Variants in C1GALT1C1 observed in about 807,000 individuals in gnomAD.
The protein encoded by C1GALT1C1 is C1GALT1-specific chaperone 1.
For missense variants in C1GALT1C1, 176 were observed against 234.7 expected, an observed-to-expected ratio of 0.75 and a Z score of 1.63; for synonymous variants, 77 against 77.9, an observed-to-expected ratio of 0.99 and a Z score of 0.06.
Position 120,629,703 on chromosome X carries a change from G to A in C1GALT1C1, c.-6+214C>T, listed in dbSNP as rs184949790. Among the ~76,000 whole-genome samples, 85 of 111,876 alleles carry A rather than the reference G, an allele frequency of 7.6e-4. No individual in the cohort carries two copies. The East Asian group carries it at 0.016, about 20-fold the overall frequency. On this transcript the variant is annotated intron_variant, in intron 1 of 1. Coordinates refer to ENST00000304661, the MANE Select transcript of C1GALT1C1 (RefSeq NM_001011551.3). ...ACGAAATAGGGAAGAGAAGTGAGAG[G>A]GAGGACATGGTAACCTCGATATCCC...
At position 120,627,020 on chromosome X, in the gene C1GALT1C1, T is replaced by C; in HGVS notation, c.147A>G (p.Lys49=). The change falls in exon 2 of 2, where the codon AAA becomes AAG. Residue 49 remains lysine, a synonymous_variant. Transcript: ENST00000304661. ...CCTCTGAAATTTTCAAGATATCTTC[T>C]TTGTTAGGAGCTTGTAGGTGATGAT... ...HEHHHLQAPN[K]EDILKISEDE... is the part of the protein sequence containing the mutation. 8.3e-7 allele frequency: 1 copy of C among 1,211,214 alleles called. No homozygotes were observed. Among genetic ancestry groups the C allele is most frequent in the Non-Finnish European group, 1.1e-6 (1 of 895,394 alleles).
chrX:120,626,913 G>A lies in C1GALT1C1; in HGVS notation c.254C>T (p.Ala85Val). 26 of 1,211,554 alleles carry A rather than the reference G, an allele frequency of 2.1e-5. No homozygotes were observed. Among genetic ancestry groups the A allele is most frequent in the Non-Finnish European group, 2.9e-5 (26 of 895,452 alleles). ...VKPKDVSLWAAVKETWTKHCD... is the reference protein window; with the variant it reads ...VKPKDVSLWAVVKETWTKHCD... ...GTGTTTGGTCCAAGTCTCCTTTACT[G>A]CAGCCCAAAGACTCACATCTTTGGG... is the stretch of plus-strand genomic sequence containing the variant. Residue 85 changes from alanine (A) to valine (V), a missense_variant, in exon 2 of 2, where the codon GCA becomes GTA. By Grantham distance (64) the Ala-to-Val change is moderately conservative. Transcript: ENST00000304661.
At position 120,626,416 on chromosome X, in the gene C1GALT1C1, C is replaced by A; in HGVS notation, c.751G>T (p.Val251Phe). The A allele has an allele frequency of 8.3e-7, 1 of 1,211,996 alleles. No homozygotes were observed. Reference protein sequence around the residue: ...DGKDVFNTKSVGLSIKEAMTY... With the variant: ...DGKDVFNTKSFGLSIKEAMTY... ...ATTGCCTCTTTAATAGAAAGCCCAA[C>A]AGATTTGGTATTAAATACATCTTTT... The change falls in exon 2 of 2, where the codon GTT becomes TTT. Residue 251 changes from valine to phenylalanine, a missense_variant. By Grantham distance (50) the Val-to-Phe change is conservative. Coordinates refer to ENST00000304661, the MANE Select transcript of C1GALT1C1 (RefSeq NM_001011551.3).
chrX:120,628,520 A>T (rs931363624), intron 1 of C1GALT1C1, among the ~76,000 whole-genome samples: 1 of 112,329 alleles, frequency 8.9e-6, no homozygotes, highest in African/African-American at 3.2e-5. Flanking sequence ...ACAGTTAGAC[A>T]GTGGTATAAG....
At chrX:120,629,325 C>T (rs747362528) in intron 1 of C1GALT1C1, among the ~76,000 whole-genome samples, 1 of 111,622 alleles carries the variant, frequency 9.0e-6, no homozygotes, top group South Asian at 3.7e-4. Flanking sequence ...TTTCATGTCA[C>T]GCAGTTTTCA....
chrX:120,629,326 G>A (rs972600025), intron 1 of C1GALT1C1, among the ~76,000 whole-genome samples: 2 of 111,404 alleles, frequency 1.8e-5, no homozygotes, highest in Admixed American at 1.9e-4. Context: ...TTCATGTCAC[G>A]CAGTTTTCAT....
intron 1 of C1GALT1C1, among the ~76,000 whole-genome samples, chrX:120,628,590 T>G (rs889927557): frequency 1.8e-5 from 2 of 112,387 alleles, no homozygotes; most frequent in Non-Finnish European, 3.8e-5. Context: ...TACAGAAGAA[T>G]AATTGCCATA....
At position 120,626,510 on chromosome X, in the gene C1GALT1C1, T is replaced by C. The variant is rs777196151; in HGVS notation, c.657A>G (p.Glu219=). ...TCAGGCAAACTGCTAGCTGTTTATC[T>C]TCAGATATCTTCCAAATCATCCCTC... ...EQGGMIWKIS[E]DKQLAVCLKY... is the part of the protein sequence containing the mutation. The change falls in exon 2 of 2, where the codon GAA becomes GAG. Residue 219 remains glutamate (E), a synonymous_variant. Transcript: ENST00000304661. The C allele has an allele frequency of 5.0e-6, 6 of 1,210,859 alleles. No homozygotes were observed. In the Admixed American group the frequency reaches 1.3e-4, roughly 26 times the overall value.
In C1GALT1C1 at chrX:120,626,699, A is replaced by G. The variant is rs1383045388; in HGVS notation, c.468T>C (p.Tyr156=). 1 of 1,209,891 alleles carries G rather than the reference A, an allele frequency of 8.3e-7. No homozygotes were observed. The highest frequency in any genetic ancestry group is 1.1e-6 in the Non-Finnish European group (1 of 895,117). ...TTFAIIENLK[Y]FLLKKDPSQP... is the part of the protein sequence containing the mutation. ...GTGATGGATCCTTTTTTAACAAAAA[A>G]TACTTTAGGTTTTCAATGATAGCAA... The change falls in exon 2 of 2, where the codon TAT becomes TAC. Residue 156 remains tyrosine, a synonymous_variant. Transcript: ENST00000304661.
chrX:120,627,970 G>C (rs942892508), intron 1 of C1GALT1C1, among the ~76,000 whole-genome samples: 17 of 111,974 alleles, frequency 1.5e-4, no homozygotes, highest in African/African-American at 4.9e-4. Flanking sequence ...CAGGTGCAGT[G>C]GCTCATGGCT....
rs151211263 is a variant in C1GALT1C1 at position 120,628,439 on chromosome X, T to C, written c.-5-1268A>G. ...AAAGGAGCCTTAGAAAACTACCCAA[T>C]GTCAGTCACTTCTCTCATTTTACAG... On this transcript the variant is annotated intron_variant, in intron 1 of 1. Transcript: ENST00000304661. 1.8e-4 allele frequency among the ~76,000 whole-genome samples: 20 copies of C among 111,834 alleles called. No homozygotes were observed. The East Asian group carries it at 5.6e-3, about 31-fold the overall frequency.
At position 120,626,988 on chromosome X, in the gene C1GALT1C1, C is replaced by A. The variant is rs755578000; in HGVS notation, c.179G>T (p.Arg60Leu). The A allele has an allele frequency of 8.3e-7, 1 of 1,210,589 alleles. No individual in the cohort carries two copies. The highest frequency in any genetic ancestry group is 1.1e-6 in the Non-Finnish European group (1 of 895,127). Residue 60 changes from arginine (R) to leucine (L), a missense_variant, in exon 2 of 2, where the codon CGC becomes CTC. Physicochemically the swap from Arg to Leu is moderately radical, Grantham distance 102 (BLOSUM62 -2). Coordinates refer to ENST00000304661, the MANE Select transcript of C1GALT1C1 (RefSeq NM_001011551.3). ...EDILKISEDE[R>L]MELSKSFRVY... The stretch of plus-strand genomic sequence containing the variant: ...TCGAAAGCTCTTACTGAGCTCCATG[C>A]GCTCATCCTCTGAAATTTTCAAGAT...
intron 1 of C1GALT1C1, among the ~76,000 whole-genome samples, chrX:120,628,621 T>C (rs1334323923): frequency 6.3e-5 from 7 of 111,800 alleles, no homozygotes; most frequent in African/African-American, 2.3e-4. Context: ...CACATTAGAG[T>C]TTAATAAATG....
chrX:120,627,906 G>A (rs1051163237), intron 1 of C1GALT1C1, among the ~76,000 whole-genome samples: 1 of 111,844 alleles, frequency 8.9e-6, no homozygotes, highest in African/African-American at 3.2e-5. Flanking sequence ...CTTCTTCTTT[G>A]GGGAAGTAAA....
At chrX:120,628,957 T>C (rs1259332845) in intron 1 of C1GALT1C1, among the ~76,000 whole-genome samples, 6 of 111,878 alleles carry the variant, frequency 5.4e-5, no homozygotes, top group African/African-American at 2.0e-4. Context: ...CTGTGTGCGG[T>C]GGCTCACGCC....
chrX:120,625,927 T>C lies in C1GALT1C1; in HGVS notation c.*283A>G. ...GTGCCCCACAGATTTCTAATGTTCA[T>C]AATTTAGAATTTATCACATATAATA... On this transcript the variant is annotated 3_prime_UTR_variant, in exon 2 of 2. Transcript: ENST00000304661. The C allele has an allele frequency of 4.5e-6, 1 of 220,779 alleles. No homozygotes were observed. Among genetic ancestry groups the C allele is most frequent in the Non-Finnish European group, 8.2e-6 (1 of 122,443 alleles). The allele number at this position is 220,779 out of a possible 1,213,427, so 18.2% of individuals were successfully genotyped here. A position where few individuals can be genotyped will look rare whatever the true frequency, so the allele number is the denominator to read the frequency against.
chrX:120,627,374 T>TA, intron 1 of C1GALT1C1: 1 of 294,883 alleles, frequency 3.4e-6, no homozygotes, highest in Non-Finnish European at 5.9e-6. Flanking sequence ...CTGTTTGGTA[T>TA]AAACTGGAAC....
rs1016593007 is a variant in C1GALT1C1, at chrX:120,626,580, C to G, written c.587G>C (p.Arg196Thr). ...GIVLSVESMK[R>T]LNSLLNIPEK... ...TGGGATATTGAGAAGGCTGTTAAGT[C>G]TTTTCATTGATTCTACACTTAAGAC... is the stretch of plus-strand genomic sequence containing the variant. The change falls in exon 2 of 2, where the codon AGA (arginine) becomes ACA (threonine). Residue 196 changes from arginine to threonine, a missense_variant. By Grantham distance (71) the Arg-to-Thr change is moderately conservative (BLOSUM62 -1). Transcript: ENST00000304661. 1.7e-6 allele frequency: 2 copies of G among 1,211,395 alleles called. No homozygotes were observed. The highest frequency in any genetic ancestry group is 3.5e-5 in the African/African-American group (2 of 57,874).
intron 1 of C1GALT1C1, 45 bp from the exon 2 acceptor site, chrX:120,627,216 T>G: frequency 1.0e-6 from 1 of 960,185 alleles, no homozygotes; most frequent in Non-Finnish European, 1.4e-6. Context: ...TAGAAAAAGA[T>G]TAGTCTATAA....
Sources: gnomAD v4.1 joint callset for allele counts (sites outside exome capture counted in the v4.1 genomes callset) on GRCh38, gnomAD v4.1.1 for gene constraint, MANE v1.5 for transcripts, NCBI Gene and HGNC (gene_info 2026-07-23, HGNC 2026-07-21) for gene names.